The following ANKRD44 variants were observed in gnomAD, a reference collection of about 807,000 sequenced individuals.
ANKRD44 encodes the protein ankyrin repeat domain 44.
ANKRD44 carries 35 observed loss-of-function variants against 116.0 expected under a neutral mutation model. That is an observed-to-expected ratio of 0.30 (90% confidence interval 0.23 to 0.40). ANKRD44 has a LOEUF of 0.40. Among genes scored for constraint, ANKRD44 ranks in the 10% least tolerant of loss-of-function variants. ANKRD44 has a pLI of 1.00. For missense variants in ANKRD44, 1,014 were observed against 1,242.6 expected (o/e 0.82, Z 2.77); for synonymous variants, 435 against 461.8 (o/e 0.94, Z 0.74).
chr2:197,235,742 T>C (rs537545231), intron 1 of ANKRD44, among the ~76,000 whole-genome samples: 60 of 151,722 alleles, frequency 4.0e-4, no homozygotes, highest in African/African-American at 1.4e-3. Flanking sequence ...AATACAAATA[T>C]TATATACAAA....
intron 9 of ANKRD44, among the ~76,000 whole-genome samples, chr2:197,103,269 C>A (rs2078345283): frequency 6.7e-6 from 1 of 150,072 alleles, no homozygotes; most frequent in Non-Finnish European, 1.5e-5. Flanking sequence ...ATGTATTAGT[C>A]TTTTATCATG....
chr2:197,225,106 C>T (rs1390710802), intron 1 of ANKRD44, among the ~76,000 whole-genome samples: 1 of 152,064 alleles, frequency 6.6e-6, no homozygotes, highest in Non-Finnish European at 1.5e-5. Flanking sequence ...TACTATGACC[C>T]ACTTCTAGGT....
chr2:197,235,481 T>C (rs1376632242), intron 1 of ANKRD44, among the ~76,000 whole-genome samples: 2 of 151,966 alleles, frequency 1.3e-5, no homozygotes, highest in African/African-American at 2.4e-5. Flanking sequence ...TTGGGCATGG[T>C]GGCGGGCGCC....
intron 1 of ANKRD44, among the ~76,000 whole-genome samples, chr2:197,287,812 G>C (rs1416947672): frequency 2.0e-5 from 3 of 151,902 alleles, no homozygotes; most frequent in Admixed American, 6.6e-5. Context: ...TTGAGGTCAG[G>C]AGTTCAAGAC....
intron 16 of ANKRD44, among the ~76,000 whole-genome samples, chr2:197,072,799 G>T (rs2077588580): frequency 6.6e-6 from 1 of 152,196 alleles, no homozygotes; most frequent in African/African-American, 2.4e-5. Flanking sequence ...GAACCAGCGA[G>T]TCATGGATAT....
intron 16 of ANKRD44, among the ~76,000 whole-genome samples, chr2:197,026,777 A>G (rs1259350204): frequency 6.6e-6 from 1 of 152,172 alleles, no homozygotes; most frequent in Non-Finnish European, 1.5e-5. Context: ...CAATAGTCCA[A>G]GAGAAAAATA....
intron 1 of ANKRD44, among the ~76,000 whole-genome samples, chr2:197,238,562 T>C (rs1400108749): frequency 2.0e-5 from 3 of 152,170 alleles, no homozygotes; most frequent in Non-Finnish European, 4.4e-5. Flanking sequence ...CAGCATCATG[T>C]TACAGAAAAC....
intron 1 of ANKRD44, among the ~76,000 whole-genome samples, chr2:197,303,944 G>A (rs887947538): frequency 2.6e-5 from 4 of 152,070 alleles, no homozygotes; most frequent in Admixed American, 6.6e-5. Context: ...CTGCATTCCC[G>A]ACCTCTGAAA....
intron 1 of ANKRD44, among the ~76,000 whole-genome samples, chr2:197,297,589 T>A (rs2083760236): frequency 6.6e-6 from 1 of 152,176 alleles, no homozygotes; most frequent in African/African-American, 2.4e-5. Flanking sequence ...AGGAAAGTTG[T>A]GTCACAGGAA....
chr2:197,295,310 GATA>G (rs1407900998), intron 1 of ANKRD44, among the ~76,000 whole-genome samples: 1 of 152,176 alleles, frequency 6.6e-6, no homozygotes, highest in Non-Finnish European at 1.5e-5. Flanking sequence ...TAAAAGGCCA[GATA>G]ATAAATATTT....
intron 16 of ANKRD44, chr2:197,078,170 A>T (rs972931439): frequency 6.3e-6 from 1 of 157,674 alleles, no homozygotes; most frequent in Non-Finnish European, 1.4e-5. Flanking sequence ...TATCATGACA[A>T]TTATGACATG....
intron 3 of ANKRD44, among the ~76,000 whole-genome samples, chr2:197,139,830 G>A (rs549986808): frequency 6.6e-6 from 1 of 150,842 alleles, no homozygotes; most frequent in South Asian, 2.1e-4. Context: ...TAATGGGGGA[G>A]GGGGGACTAA....
intron 3 of ANKRD44, among the ~76,000 whole-genome samples, chr2:197,141,968 A>G (rs934911271): frequency 6.6e-6 from 1 of 152,228 alleles, no homozygotes; most frequent in Non-Finnish European, 1.5e-5. Flanking sequence ...GTCAGGCACC[A>G]TTGTGCACTG....
intron 1 of ANKRD44, among the ~76,000 whole-genome samples, chr2:197,273,799 C>G (rs561653685): frequency 1.3e-5 from 2 of 151,804 alleles, no homozygotes; most frequent in African/African-American, 4.8e-5. Context: ...TAGGAACAAC[C>G]TATAAGGAAA....
chr2:197,299,032 T>C (rs1405271227), intron 1 of ANKRD44, among the ~76,000 whole-genome samples: 1 of 152,210 alleles, frequency 6.6e-6, no homozygotes, highest in East Asian at 1.9e-4. Context: ...AATCATCAAA[T>C]ATCCAGTCAG....
At chr2:197,279,446 G>A (rs2083200874) in intron 1 of ANKRD44, among the ~76,000 whole-genome samples, 1 of 152,058 alleles carries the variant, frequency 6.6e-6, no homozygotes, top group Non-Finnish European at 1.5e-5. Flanking sequence ...GCTCCCCACG[G>A]TCACAAGATA....
At chr2:197,089,510 T>G (rs965736183) in intron 11 of ANKRD44, among the ~76,000 whole-genome samples, 3 of 152,210 alleles carry the variant, frequency 2.0e-5, no homozygotes, top group African/African-American at 7.2e-5. Context: ...GCCATAGTGA[T>G]TTTTCAGTGC....
rs57816177 is a variant in ANKRD44 at position 197,151,592 on chromosome 2, A to G, written c.112-4487T>C. Among the ~76,000 whole-genome samples the G allele has an allele frequency of 1.9e-3, 290 of 152,316 alleles. 1 individual carries two copies. Among genetic ancestry groups the G allele is most frequent in the African/African-American group, 6.5e-3 (272 of 41,580 alleles). ...AAAGAAAGGGGAGGAGAAAGGAAAAATAAGCACAGGAACTTTGGGCTACGT... is the reference window on the plus strand; with the variant it reads ...AAAGAAAGGGGAGGAGAAAGGAAAAGTAAGCACAGGAACTTTGGGCTACGT... On this transcript the variant is annotated intron_variant, in intron 2 of 27. Transcript: ENST00000282272.
At chr2:197,192,366 C>A (rs971744003) in intron 1 of ANKRD44, among the ~76,000 whole-genome samples, 1 of 152,060 alleles carries the variant, frequency 6.6e-6, no homozygotes, top group Non-Finnish European at 1.5e-5. Flanking sequence ...AATAAAGACT[C>A]CAAGTCTAAA....
Sources: allele counts gnomAD v4.1 joint callset (sites outside exome capture counted in the v4.1 genomes callset), GRCh38; gene constraint gnomAD v4.1.1; transcripts MANE v1.5; gene names NCBI Gene and HGNC (gene_info 2026-07-23, HGNC 2026-07-21).